Variants in ZNF536 observed in about 807,000 individuals in gnomAD.
The protein encoded by ZNF536 is zinc finger protein 536.
In ZNF536, 13 loss-of-function variants were observed where a neutral mutation model predicts 84.5. That is an observed-to-expected ratio of 0.15 (90% CI 0.10 to 0.24). ZNF536 has a LOEUF of 0.24. Ranked by LOEUF, ZNF536 falls within the 10% of genes least tolerant of loss-of-function variation. ZNF536 has a pLI of 1.00. For missense variants in ZNF536, 1,536 were observed against 1,747.5 expected (o/e 0.88, Z 2.16); for synonymous variants, 811 against 742.5 (o/e 1.09, Z -1.50).
At chr19:30,376,786 T>C (rs1208484671) in intron 1 of ZNF536, among the ~76,000 whole-genome samples, 2 of 152,212 alleles carry the variant, frequency 1.3e-5, no homozygotes, top group Non-Finnish European at 2.9e-5. Flanking sequence ...CATTGTCCAG[T>C]TGACTCCCTT....
chr19:30,496,385 C>T (rs2035260125), intron 2 of ZNF536, among the ~76,000 whole-genome samples: 1 of 152,140 alleles, frequency 6.6e-6, no homozygotes, highest in African/African-American at 2.4e-5. Context: ...CTGGGGATGC[C>T]ATGGTCCTTT....
chr19:30,236,659 AT>A (rs35993251), intron 1 of ZNF536, among the ~76,000 whole-genome samples: 1 of 152,120 alleles, frequency 6.6e-6, no homozygotes, highest in Admixed American at 6.5e-5. Flanking sequence ...CAAGGTAGCA[AT>A]TTTCCCCTTT....
At chr19:30,641,476 A>AC (rs2049264704) in intron 1 of ZNF536, among the ~76,000 whole-genome samples, 1 of 152,188 alleles carries the variant, frequency 6.6e-6, no homozygotes, top group African/African-American at 2.4e-5. Flanking sequence ...TGTTATTAAA[A>AC]CGTATATGTA....
rs1252256481 is a variant in ZNF536 at position 30,494,945 on chromosome 19, C to CAAAAA, written c.2171-39900_2171-39896dup. On this transcript the variant is annotated intron_variant, in intron 2 of 4. Transcript: ENST00000355537. ...TGGGCAACAGAGTGAGACTCCGTCT[C>CAAAAA]AAAAAAGAAAAAAAAAAAAAAAAAA... Among the ~76,000 whole-genome samples the CAAAAA allele has an allele frequency of 1.4e-4, 10 of 69,938 alleles. 1 individual carries two copies. The highest frequency in any genetic ancestry group is 2.2e-4 in the African/African-American group (4 of 18,362). The allele number at this position is 69,938 out of a possible 152,430, so 45.9% of individuals were successfully genotyped here.
chr19:30,443,819 A>G lies in ZNF536; in HGVS notation c.257A>G (p.Asn86Ser). The part of the protein sequence containing the change: ...PMGSQMALLA[N>S]QLGREVDTSL... Reference sequence around the variant, plus strand: ...GGCAGTCAGATGGCGCTCCTGGCCAACCAGCTGGGCCGGGAGGTGGACACC... The same window carrying G: ...GGCAGTCAGATGGCGCTCCTGGCCAGCCAGCTGGGCCGGGAGGTGGACACC... The change falls in exon 2 of 5, where the codon AAC (asparagine) becomes AGC (serine). Residue 86 changes from asparagine (N) to serine (S), a missense_variant. Around this residue, in one of 8 missense-constraint regions of ZNF536, gnomAD observed 161 missense variants for 178.5 expected, o/e 0.90. Transcript: ENST00000355537. The G allele has an allele frequency of 6.2e-7, 1 of 1,613,186 alleles. No individual in the cohort carries two copies.
intron 2 of ZNF536, among the ~76,000 whole-genome samples, chr19:30,468,838 G>C (rs188763513): frequency 1.2e-3 from 178 of 152,298 alleles, no homozygotes; most frequent in African/African-American, 4.0e-3. Context: ...GGCATGGGGA[G>C]CTTTGGCTTT....
chr19:30,463,101 T>G (rs2053228229), intron 2 of ZNF536, among the ~76,000 whole-genome samples: 1 of 152,048 alleles, frequency 6.6e-6, no homozygotes, highest in Non-Finnish European at 1.5e-5. Flanking sequence ...ATGTGTGTGT[T>G]GGGATGCGTG....
At chr19:30,487,371 G>A (rs1316890916) in intron 2 of ZNF536, among the ~76,000 whole-genome samples, 3 of 152,150 alleles carry the variant, frequency 2.0e-5, no homozygotes, top group Non-Finnish European at 1.5e-5. Context: ...TCAGGAGTGT[G>A]CACAAGAACA....
At position 30,435,061 on chromosome 19, in the gene ZNF536, T is replaced by C. The variant is rs560378687; in HGVS notation, c.-2-8500T>C. On this transcript the variant is annotated intron_variant, in intron 1 of 4. Coordinates refer to ENST00000355537, the MANE Select transcript of ZNF536 (RefSeq NM_014717.3). Reference sequence around the variant, plus strand: ...GTGCTGGTGGTGATGATGATGCTGATGATGGTGATAATGCTGGTGATGATG... The same window carrying C: ...GTGCTGGTGGTGATGATGATGCTGACGATGGTGATAATGCTGGTGATGATG... Among the ~76,000 whole-genome samples the C allele has an allele frequency of 6.0e-5, 9 of 149,684 alleles. No individual in the cohort carries two copies. In the South Asian group the frequency reaches 1.9e-3, roughly 32 times the overall value.
At chr19:30,255,965 G>C (rs574826533) in intron 1 of ZNF536, among the ~76,000 whole-genome samples, 10 of 152,334 alleles carry the variant, frequency 6.6e-5, no homozygotes, top group African/African-American at 2.4e-4. Flanking sequence ...GGGCTGGGGG[G>C]AGAGTGCTGG....
intron 1 of ZNF536, among the ~76,000 whole-genome samples, chr19:30,582,722 G>A (rs868176475): frequency 5.3e-5 from 8 of 152,084 alleles, no homozygotes; most frequent in South Asian, 2.1e-4. Flanking sequence ...TGAAAGGCAC[G>A]TCTTACATGG....
At chr19:30,536,348 T>A (rs1410656887) in intron 3 of ZNF536, among the ~76,000 whole-genome samples, 1 of 152,100 alleles carries the variant, frequency 6.6e-6, no homozygotes, top group Admixed American at 6.5e-5. Flanking sequence ...TGGGATCTAT[T>A]CGGAGAGGCT....
chr19:30,699,436 C>A (rs1417913089), intron 1 of ZNF536, among the ~76,000 whole-genome samples: 1 of 151,958 alleles, frequency 6.6e-6, no homozygotes, highest in Middle Eastern at 3.4e-3. Context: ...TTTTGGGTAG[C>A]CTTCTAAATT....
In ZNF536 at chr19:30,421,738, G is replaced by A. The variant is rs2050967579; in HGVS notation, c.-2-21823G>A. ...AGGGTGAGAGATCTACCCTTGTCAC[G>A]CTCCCTGGGATCTCCAGGAGAGAAG... is the stretch of plus-strand genomic sequence containing the variant. On this transcript the variant is annotated intron_variant, in intron 1 of 4. Transcript: ENST00000355537. Among the ~76,000 whole-genome samples the A allele has an allele frequency of 2.0e-5, 3 of 152,234 alleles. No homozygotes were observed. The East Asian group carries it at 5.8e-4, about 29-fold the overall frequency.
At chr19:30,352,664 G>A (rs1362175593) in intron 3 of ZNF536, among the ~76,000 whole-genome samples, 1 of 152,190 alleles carries the variant, frequency 6.6e-6, no homozygotes, top group Non-Finnish European at 1.5e-5. Context: ...TGCCCAGTAA[G>A]CTCTCGGTGA....
rs2148204637 is a variant in ZNF536 at position 30,444,933 on chromosome 19, G to A, written c.1371G>A (p.Glu457=). The change falls in exon 2 of 5, where the codon GAG becomes GAA. Residue 457 remains glutamate, a synonymous_variant. Transcript: ENST00000355537. Reference sequence around the variant, plus strand: ...CCAGCCAGCTCTATGGCAAGGGCGAGCTGCCCATGAAGGAGAAGGAAGCGC... The same window carrying A: ...CCAGCCAGCTCTATGGCAAGGGCGAACTGCCCATGAAGGAGAAGGAAGCGC... ...SEPSQLYGKG[E]LPMKEKEALG... is the part of the protein sequence containing the mutation. 1 of 1,611,506 alleles carries A rather than the reference G, an allele frequency of 6.2e-7. No individual in the cohort carries two copies. The highest frequency in any genetic ancestry group is 8.5e-7 in the Non-Finnish European group (1 of 1,179,000).
At chr19:30,512,885 G>A (rs548110675) in intron 2 of ZNF536, among the ~76,000 whole-genome samples, 2 of 152,304 alleles carry the variant, frequency 1.3e-5, no homozygotes, top group Middle Eastern at 6.8e-3. Context: ...CATGAACCAG[G>A]CGTTCACAAA....
chr19:30,522,103 C>T (rs2044342564), intron 2 of ZNF536, among the ~76,000 whole-genome samples: 1 of 151,432 alleles, frequency 6.6e-6, no homozygotes, highest in South Asian at 2.1e-4. Context: ...GGTACCAAGA[C>T]AATGGACAGT....
At chr19:30,661,449 A>G (rs1178331269) in intron 1 of ZNF536, among the ~76,000 whole-genome samples, 1 of 152,230 alleles carries the variant, frequency 6.6e-6, no homozygotes, top group Non-Finnish European at 1.5e-5. Flanking sequence ...CCCTAGAAAT[A>G]TGTAGTCCTG....
Sources: allele counts gnomAD v4.1 joint callset (sites outside exome capture counted in the v4.1 genomes callset), GRCh38; gene constraint gnomAD v4.1.1; regional missense constraint gnomAD v4.1.1; transcripts MANE v1.5; gene names NCBI Gene and HGNC (gene_info 2026-07-23, HGNC 2026-07-21).